The following EIF3H variants were observed in gnomAD, a reference collection of about 807,000 sequenced individuals.
The protein encoded by EIF3H is eukaryotic translation initiation factor 3 subunit H.
A neutral mutation model predicts 44.2 loss-of-function variants in EIF3H; 26 were observed. The ratio of observed to expected loss-of-function variants is 0.59; its 90% confidence interval spans 0.43 to 0.82. EIF3H has a LOEUF of 0.82. EIF3H is among the 40% of genes least tolerant of loss of function. EIF3H has a pLI of 0.00. For synonymous variants in EIF3H, 166 were observed against 151.9 expected (o/e 1.09, Z -0.68); for missense variants, 359 against 432.8 (o/e 0.83, Z 1.51).
chr8:116,732,540 C>T (rs1396771149), intron 1 of EIF3H, among the ~76,000 whole-genome samples: 10 of 152,130 alleles, frequency 6.6e-5, no homozygotes, highest in Admixed American at 6.5e-4. Context: ...TTCTGATGAA[C>T]TAGAATAATT....
chr8:116,663,769 A>G (rs1563636003), intron 2 of EIF3H, among the ~76,000 whole-genome samples: 1 of 151,984 alleles, frequency 6.6e-6, no homozygotes, highest in Non-Finnish European at 1.5e-5. Flanking sequence ...CGTCTCTACT[A>G]AAAATACAAA....
At chr8:116,675,528 C>T (rs1813834845) in intron 2 of EIF3H, among the ~76,000 whole-genome samples, 1 of 152,212 alleles carries the variant, frequency 6.6e-6, no homozygotes, top group Admixed American at 6.5e-5. Flanking sequence ...AAAGTGTCTC[C>T]AAACACCTCC....
intron 2 of EIF3H, among the ~76,000 whole-genome samples, chr8:116,703,966 A>T (rs1227835487): frequency 6.6e-6 from 1 of 152,162 alleles, no homozygotes; most frequent in Non-Finnish European, 1.5e-5. Flanking sequence ...TTCTGACAGG[A>T]GGCAGCACTC....
chr8:116,703,919 A>G (rs2130885369), intron 2 of EIF3H, among the ~76,000 whole-genome samples: 1 of 152,286 alleles, frequency 6.6e-6, no homozygotes, highest in Non-Finnish European at 1.5e-5. Context: ...GCTGGACCCT[A>G]CATTAGTGCT....
chr8:116,743,559 C>T (rs1815164950), intron 1 of EIF3H, among the ~76,000 whole-genome samples: 1 of 151,948 alleles, frequency 6.6e-6, no homozygotes, highest in South Asian at 2.1e-4. Flanking sequence ...GCCTGGTCAA[C>T]ATGGCGAAAC....
rs1172776503 is a variant in EIF3H, at chr8:116,643,894, T to C, written c.*1112A>G. ...TTTTGGTGATGCACAAACAGCAAAA[T>C]CTGTGATTATCTTTAAAATATAAAA... On this transcript the variant is annotated 3_prime_UTR_variant, in exon 8 of 8. Coordinates refer to ENST00000521861, the MANE Select transcript of EIF3H (RefSeq NM_003756.3). The C allele has an allele frequency of 1.3e-5, 2 of 152,164 alleles. No homozygotes were observed. 9.4% of individuals were successfully genotyped at this position (152,164 alleles called of 1,614,324 possible).
chr8:116,755,889 G>C (rs28649280), upstream of EIF3H: 114 of 1,572,204 alleles, frequency 7.3e-5, no homozygotes, highest in Non-Finnish European at 9.1e-5. Flanking sequence ...CGGCGTTCGA[G>C]GGGCGGAGAC....
At chr8:116,664,198 C>T (rs1011370216) in intron 2 of EIF3H, among the ~76,000 whole-genome samples, 2 of 152,154 alleles carry the variant, frequency 1.3e-5, no homozygotes, top group South Asian at 2.1e-4. Flanking sequence ...TCCAGATATC[C>T]TCTTTGCAAA....
At chr8:116,735,816 G>C (rs993514221) in intron 1 of EIF3H, among the ~76,000 whole-genome samples, 3 of 150,358 alleles carry the variant, frequency 2.0e-5, no homozygotes, top group Non-Finnish European at 4.4e-5. Context: ...AAAAAAAAAC[G>C]TAACACAGCT....
At chr8:116,745,552 T>C (rs1308990425) in intron 1 of EIF3H, among the ~76,000 whole-genome samples, 1 of 152,194 alleles carries the variant, frequency 6.6e-6, no homozygotes, top group Non-Finnish European at 1.5e-5. Context: ...GGCAATGAAT[T>C]TCAATAAGGT....
intron 1 of EIF3H, among the ~76,000 whole-genome samples, chr8:116,730,167 G>A (rs1302279301): frequency 6.6e-6 from 1 of 152,134 alleles, no homozygotes; most frequent in Non-Finnish European, 1.5e-5. Flanking sequence ...CCTTACAGTA[G>A]GATTCATTTG....
chr8:116,735,197 T>C (rs976624234), intron 1 of EIF3H, among the ~76,000 whole-genome samples: 1 of 152,212 alleles, frequency 6.6e-6, no homozygotes, highest in African/African-American at 2.4e-5. Flanking sequence ...GACATAGACA[T>C]AATCTGCAAA....
intron 2 of EIF3H, among the ~76,000 whole-genome samples, chr8:116,685,349 G>A (rs1203042454): frequency 6.6e-6 from 1 of 152,188 alleles, no homozygotes; most frequent in Non-Finnish European, 1.5e-5. Flanking sequence ...GAACTAGGTA[G>A]CAAGAAGCCT....
intron 5 of EIF3H, 55 bp downstream of exon 5, chr8:116,655,800 GA>G (rs1813478630): frequency 6.3e-7 from 1 of 1,575,548 alleles, no homozygotes; most frequent in African/African-American, 1.4e-5. Flanking sequence ...TTATGTGAAA[GA>G]ATCTTTTGCA....
At chr8:116,728,099 T>C (rs1298829614) in intron 1 of EIF3H, among the ~76,000 whole-genome samples, 2 of 152,204 alleles carry the variant, frequency 1.3e-5, no homozygotes, top group African/African-American at 2.4e-5. Flanking sequence ...TGTGTACAAA[T>C]TGAAATGTCT....
chr8:116,683,403 G>A (rs1814022888), intron 2 of EIF3H, among the ~76,000 whole-genome samples: 1 of 152,138 alleles, frequency 6.6e-6, no homozygotes, highest in Admixed American at 6.5e-5. Flanking sequence ...TCCTCAGGTG[G>A]CAGAAGGAAG....
intron 1 of EIF3H, among the ~76,000 whole-genome samples, chr8:116,763,968 C>T (rs559033771): frequency 1.4e-3 from 212 of 152,194 alleles, no homozygotes; most frequent in Middle Eastern, 3.4e-3. Context: ...ATAAATTATT[C>T]TCATGTCAAC....
At chr8:116,704,441 C>T (rs1814433987) in intron 2 of EIF3H, among the ~76,000 whole-genome samples, 1 of 152,192 alleles carries the variant, frequency 6.6e-6, no homozygotes, top group South Asian at 2.1e-4. Context: ...TACTGCCTTG[C>T]CACTCTGCTC....
chr8:116,673,793 C>T (rs1181127152), intron 2 of EIF3H, among the ~76,000 whole-genome samples: 2 of 152,030 alleles, frequency 1.3e-5, no homozygotes, highest in African/African-American at 2.4e-5. Flanking sequence ...ATACTTGGGC[C>T]GGGCATGGTG....
Sources: gnomAD v4.1 joint callset for allele counts (sites outside exome capture counted in the v4.1 genomes callset) on GRCh38, gnomAD v4.1.1 for gene constraint, MANE v1.5 for transcripts, NCBI Gene and HGNC (gene_info 2026-07-23, HGNC 2026-07-21) for gene names.